The following TMEM63A variants were observed in gnomAD, a reference collection of about 807,000 sequenced individuals.
TMEM63A encodes the protein transmembrane protein 63A.
A neutral mutation model predicts 100.6 loss-of-function variants in TMEM63A; 76 were observed. The ratio of observed to expected loss-of-function variants is 0.76; its 90% CI spans 0.63 to 0.91. The LOEUF is 0.91. Among genes scored for constraint, TMEM63A ranks in the 40% least tolerant of loss-of-function variants. TMEM63A has a pLI of 0.00. For missense variants in TMEM63A, 876 were observed against 1,008.8 expected (o/e 0.87, Z 1.78); for synonymous variants, 401 against 401.1 (o/e 1.00, Z 0.00).
intron 3 of TMEM63A, among the ~76,000 whole-genome samples, chr1:225,876,276 T>A (rs1670798358): frequency 6.6e-6 from 1 of 150,800 alleles, no homozygotes; most frequent in Admixed American, 6.6e-5. Context: ...TCCCACCAAT[T>A]CTGAAATCCA....
At chr1:225,874,460 C>G in intron 3 of TMEM63A, 93 bp from the exon 4 acceptor site, 3 of 1,059,686 alleles carry the variant, frequency 2.8e-6, no homozygotes, top group African/African-American at 1.6e-5. Flanking sequence ...CCTGCCCGCA[C>G]TCAGCAGGGC....
At chr1:225,882,097 G>A (rs941536092) in intron 1 of TMEM63A, among the ~76,000 whole-genome samples, 5 of 152,232 alleles carry the variant, frequency 3.3e-5, no homozygotes, top group Non-Finnish European at 7.3e-5. Flanking sequence ...AAGCCGCCAG[G>A]AATTCCCAAG....
Position 225,852,083 on chromosome 1 carries a change from T to C in TMEM63A, c.1903+581A>G, listed in dbSNP as rs184975942. 1.2e-4 allele frequency among the ~76,000 whole-genome samples: 18 copies of C among 152,382 alleles called. No individual in the cohort carries two copies. The East Asian group carries it at 3.5e-3, about 29-fold the overall frequency. On this transcript the variant is annotated intron_variant, in intron 20 of 24. Transcript: ENST00000366835. ...GATTGTGACTCTGGCACTGTCTTAC[T>C]TGCTGCTAAAGAAATCAACCATGAA...
Position 225,853,671 on chromosome 1 carries a change from C to A in TMEM63A, c.1755G>T (p.Met585Ile). ...LPGLILYTFR[M>I]IMAKTAADRR... ...GGTCAGCAGCCGTCTTGGCCATGAT[C>A]ATGCGGAAGGTATAGAGGATGAGAC... Residue 585 changes from methionine (M) to isoleucine (I), a missense_variant, in exon 19 of 25, where the codon ATG becomes ATT. This residue lies in a region of TMEM63A where 339 missense variants were observed against 342.3 expected (regional missense o/e 0.99). Coordinates refer to ENST00000366835, the MANE Select transcript of TMEM63A (RefSeq NM_014698.3). The surrounding 1 kb of genome is among the most constrained non-coding windows in gnomAD (Gnocchi z 4.0). The A allele has an allele frequency of 6.3e-7, 1 of 1,580,356 alleles. No homozygotes were observed. The highest frequency in any genetic ancestry group is 1.2e-5 in the South Asian group (1 of 86,370).
At chr1:225,866,499 G>T in intron 9 of TMEM63A, 75 bp downstream of exon 9, 1 of 1,348,146 alleles carries the variant, frequency 7.4e-7, no homozygotes, top group Non-Finnish European at 1.0e-6. Flanking sequence ...CTGTGGCAGA[G>T]CCTGGGAGGC....
intron 1 of TMEM63A, among the ~76,000 whole-genome samples, chr1:225,882,039 AG>A (rs1474673535): frequency 5.3e-5 from 8 of 152,240 alleles, no homozygotes; most frequent in African/African-American, 1.9e-4. Context: ...GTGGGGAAGA[AG>A]GAGATACCAG....
chr1:225,869,652 A>ATTTCTTTTCT (rs1553492501), intron 6 of TMEM63A, among the ~76,000 whole-genome samples: 55 of 122,128 alleles, frequency 4.5e-4, no homozygotes, highest in African/African-American at 1.7e-3. Flanking sequence ...TCATTTTCAT[A>ATTTCTTTTCT]TTTCTTTTCT....
chr1:225,878,728 G>C (rs992950780), intron 2 of TMEM63A, among the ~76,000 whole-genome samples: 1 of 152,088 alleles, frequency 6.6e-6, no homozygotes, highest in African/African-American at 2.4e-5. Flanking sequence ...AGCTGTTACA[G>C]GGACAAAGAT....
At chr1:225,857,379 C>CGGGGGGGGGGGGG (rs369068747) in intron 15 of TMEM63A, among the ~76,000 whole-genome samples, 11 of 112,742 alleles carry the variant, frequency 9.8e-5, no homozygotes, top group African/African-American at 4.8e-4. Context: ...TCCTGGCCGG[C>CGGGGGGGGGGGGG]GGGGCGGGGG....
At chr1:225,861,984 A>G in intron 13 of TMEM63A, 1 of 627,916 alleles carries the variant, frequency 1.6e-6, no homozygotes, top group Non-Finnish European at 2.7e-6. Context: ...CGAGGGGGTC[A>G]GCCAGAATCA....
chr1:225,842,445 C>A, downstream of TMEM63A: 1 of 1,613,986 alleles, frequency 6.2e-7, no homozygotes, highest in Admixed American at 1.7e-5. Flanking sequence ...ATACGGAATT[C>A]CGATACCTGG....
intron 15 of TMEM63A, 88 bp downstream of exon 15, chr1:225,859,096 TCCCCGCACACAC>T: frequency 6.5e-7 from 1 of 1,543,856 alleles, no homozygotes; most frequent in Non-Finnish European, 8.8e-7. Flanking sequence ...CTGGTTTAGT[TCCCCGCACACAC>T]CCCACTCCTG....
In TMEM63A at chr1:225,853,581, G is replaced by A; in HGVS notation, c.1797+48C>T. 1 of 1,488,310 alleles carries A rather than the reference G, an allele frequency of 6.7e-7. No homozygotes were observed. Among genetic ancestry groups the A allele is most frequent in the Non-Finnish European group, 9.0e-7 (1 of 1,113,042 alleles). 92.2% of individuals were successfully genotyped at this position (1,488,310 alleles called of 1,614,324 possible). On this transcript the variant is annotated intron_variant, in intron 19 of 24. Coordinates refer to ENST00000366835, the MANE Select transcript of TMEM63A (RefSeq NM_014698.3). This position sits in a 1 kb window ranked among gnomAD's most constrained non-coding sequence, Gnocchi z 4.0. ...AGAGGCCCTCGGGTCAGTGAAGGGG[G>A]ACATGGGAGGGAGTCAGAGGCACAG...
chr1:225,851,659 G>A (rs1019293090), intron 20 of TMEM63A, among the ~76,000 whole-genome samples: 28 of 152,224 alleles, frequency 1.8e-4, no homozygotes, highest in Non-Finnish European at 3.2e-4. Context: ...ATAAGCCATC[G>A]TGCCCAGCCC....
At chr1:225,843,178 C>T (rs1041583255), downstream of TMEM63A, among the ~76,000 whole-genome samples, 6 of 151,432 alleles carry the variant, frequency 4.0e-5, no homozygotes, top group African/African-American at 1.2e-4. Flanking sequence ...TGAATGAATG[C>T]GCAAAGGACT....
At chr1:225,874,653 T>TAA (rs1277722298) in intron 3 of TMEM63A, among the ~76,000 whole-genome samples, 4 of 152,196 alleles carry the variant, frequency 2.6e-5, no homozygotes, top group Non-Finnish European at 4.4e-5. Flanking sequence ...GTCAGCCCTG[T>TAA]CTCTTGCTCT....
intron 14 of TMEM63A, chr1:225,860,549 A>G (rs1222014675): frequency 8.1e-6 from 2 of 245,576 alleles, no homozygotes; most frequent in Non-Finnish European, 1.5e-5. Context: ...GAGATACATT[A>G]TTAAAATTAA....
chr1:225,859,448 C>G, intron 14 of TMEM63A, 99 bp from the exon 15 acceptor site: 1 of 1,467,170 alleles, frequency 6.8e-7, no homozygotes, highest in Non-Finnish European at 9.2e-7. Context: ...AAGAGACTAG[C>G]CTGGGGGCAA....
chr1:225,844,045 T>C (rs996153315), downstream of TMEM63A, among the ~76,000 whole-genome samples: 1 of 152,050 alleles, frequency 6.6e-6, no homozygotes, highest in Admixed American at 6.6e-5. Flanking sequence ...TAGGTTTGGA[T>C]TCTCCACTTA....
Sources: gnomAD v4.1 joint callset for allele counts (sites outside exome capture counted in the v4.1 genomes callset) on GRCh38, gnomAD v4.1.1 for gene constraint, gnomAD v4.1.1 regional missense constraint, Gnocchi (gnomAD v3.1) non-coding constraint, MANE v1.5 for transcripts, NCBI Gene and HGNC (gene_info 2026-07-23, HGNC 2026-07-21) for gene names.